The following PTGER3 variants were observed in gnomAD, a reference collection of about 807,000 sequenced individuals.
PTGER3 encodes the protein prostaglandin E receptor 3.
A neutral mutation model predicts 34.7 loss-of-function variants in PTGER3; 22 were observed. That is an observed-to-expected ratio of 0.63 (90% CI 0.45 to 0.91). The LOEUF is 0.91. Among genes scored for constraint, PTGER3 ranks in the 40% least tolerant of loss-of-function variants. The probability of loss-of-function intolerance (pLI) is 0.00; values close to 1 mark genes in which losing one functional copy is unlikely to be tolerated. For synonymous variants in PTGER3, 241 were observed against 230.1 expected (o/e 1.05, Z -0.43); for missense variants, 468 against 519.4 (o/e 0.90, Z 0.96).
intron 4 of PTGER3, among the ~76,000 whole-genome samples, chr1:70,913,206 T>A (rs1378139898): frequency 6.6e-6 from 1 of 152,008 alleles, no homozygotes; most frequent in African/African-American, 2.4e-5. Flanking sequence ...CATTTTTTTG[T>A]GAATCTTTTA....
Position 70,952,912 on chromosome 1 carries a change from CTG to C in PTGER3, c.1250_1251del (p.Thr417ArgfsTer4). ...CTGTAGTTATTTTCTTCATGTTATTCTGTCTTTACTGTTGAGATTCTGGTGTA... is the reference window on the plus strand; with the variant it reads ...CTGTAGTTATTTTCTTCATGTTATTCTCTTTACTGTTGAGATTCTGGTGTA... On this transcript the variant is annotated frameshift_variant, in exon 4 of 4. Transcript: ENST00000356595. LOFTEE classifies it high-confidence loss of function. The C allele has an allele frequency of 6.2e-7, 1 of 1,603,914 alleles. No individual in the cohort carries two copies. The highest frequency in any genetic ancestry group is 8.5e-7 in the Non-Finnish European group (1 of 1,175,350).
At chr1:70,865,705 C>T (rs527772094) in intron 4 of PTGER3, 29 of 1,366,406 alleles carry the variant, frequency 2.1e-5, no homozygotes, top group Middle Eastern at 2.1e-4. Context: ...GTTTGAAGCT[C>T]GCAAGTGTTA....
intron 2 of PTGER3, among the ~76,000 whole-genome samples, chr1:70,965,561 C>T (rs895216021): frequency 1.3e-5 from 2 of 152,028 alleles, no homozygotes; most frequent in African/African-American, 4.8e-5. Flanking sequence ...GACTATATTA[C>T]TATCTTTTCC....
At chr1:70,931,403 G>A (rs1384152366) in intron 4 of PTGER3, among the ~76,000 whole-genome samples, 11 of 152,292 alleles carry the variant, frequency 7.2e-5, no homozygotes, top group Non-Finnish European at 1.5e-4. Flanking sequence ...AACTCCACTC[G>A]GCAGTGCCCC....
intron 4 of PTGER3, among the ~76,000 whole-genome samples, chr1:70,913,628 C>T (rs894391503): frequency 1.3e-5 from 2 of 151,836 alleles, no homozygotes; most frequent in Non-Finnish European, 1.5e-5. Flanking sequence ...ATTATTCAAG[C>T]CTTTTATTAG....
At chr1:70,972,902 T>G (rs1653240562) in intron 3 of PTGER3, among the ~76,000 whole-genome samples, 1 of 152,094 alleles carries the variant, frequency 6.6e-6, no homozygotes, top group South Asian at 2.1e-4. Context: ...AGTAAGCTAT[T>G]TTTCTTTCTA....
intron 4 of PTGER3, among the ~76,000 whole-genome samples, chr1:70,917,248 G>C (rs1439354776): frequency 6.6e-6 from 1 of 151,084 alleles, no homozygotes; most frequent in African/African-American, 2.4e-5. Flanking sequence ...TCTGCTTTCA[G>C]AGTCAGCTTT....
At chr1:70,996,821 G>A (rs1656019735) in intron 2 of PTGER3, among the ~76,000 whole-genome samples, 1 of 151,950 alleles carries the variant, frequency 6.6e-6, no homozygotes, top group Admixed American at 6.6e-5. Flanking sequence ...CCGCCACCGC[G>A]CCCAGCCTTT....
intron 4 of PTGER3, among the ~76,000 whole-genome samples, chr1:70,859,998 A>T (rs1012000522): frequency 6.0e-5 from 9 of 149,410 alleles, no homozygotes; most frequent in Non-Finnish European, 1.0e-4. Context: ...GACCTAGACT[A>T]TGCGTTTTTC....
In PTGER3 at chr1:70,953,117, TA is replaced by T. The variant is rs535409346; in HGVS notation, c.1105-59del. ...ATAATAAAAAATAACAATATGAAAA[TA>T]AAAATAATACAAATAAAAAGGTGAT... On this transcript the variant is annotated intron_variant, in intron 3 of 3. Coordinates refer to the PTGER3 transcript ENST00000356595. The T allele has an allele frequency of 2.0e-3, 2,747 of 1,392,108 alleles. 6 individuals carry two copies. Among genetic ancestry groups the T allele is most frequent in the South Asian group, 2.6e-3 (175 of 67,678 alleles). 86.2% of individuals were successfully genotyped at this position (1,392,108 alleles called of 1,614,324 possible).
intron 2 of PTGER3, among the ~76,000 whole-genome samples, chr1:70,989,820 C>T (rs1288141338): frequency 1.3e-5 from 2 of 151,970 alleles, no homozygotes; most frequent in African/African-American, 4.8e-5. Flanking sequence ...TAAAAATGCC[C>T]CTGGACTTAC....
At chr1:71,023,686 A>G (rs986659202) in intron 1 of PTGER3, among the ~76,000 whole-genome samples, 2 of 151,822 alleles carry the variant, frequency 1.3e-5, no homozygotes, top group Non-Finnish European at 2.9e-5. Context: ...CCCATCTCTA[A>G]AACAGAAACC....
chr1:71,020,697 A>AGTGT (rs112981971), intron 1 of PTGER3, among the ~76,000 whole-genome samples: 8,598 of 144,814 alleles, frequency 0.059, 277 homozygotes, highest in African/African-American at 0.073. Context: ...ATGTTAGCAG[A>AGTGT]GTGTGTGTGT....
chr1:70,876,747 CA>C lies in PTGER3; in HGVS notation c.*24-23889del, dbSNP rs527932448. 1.6e-4 allele frequency among the ~76,000 whole-genome samples: 24 copies of C among 152,206 alleles called. No homozygotes were observed. The South Asian group carries it at 4.8e-3, about 30-fold the overall frequency. ...CATTACTTGTTTTTGTCAACTTTGT[CA>C]AAAACAAGATGCCTGTAGGTCTGTG... is the stretch of plus-strand genomic sequence containing the variant. On this transcript the variant is annotated intron_variant, in intron 4 of 4. Coordinates refer to the PTGER3 transcript ENST00000370931.
chr1:70,953,169 A>G, intron 3 of PTGER3: 1 of 951,542 alleles, frequency 1.1e-6, no homozygotes, highest in Non-Finnish European at 1.5e-6. Flanking sequence ...TTTATACAAC[A>G]TTTACATTGT....
At chr1:70,927,816 C>G (rs1648262780) in intron 4 of PTGER3, among the ~76,000 whole-genome samples, 1 of 152,030 alleles carries the variant, frequency 6.6e-6, no homozygotes, top group African/African-American at 2.4e-5. Flanking sequence ...TATCTGTCTC[C>G]AGATACATCA....
At chr1:71,020,587 C>A (rs1030835868) in intron 1 of PTGER3, among the ~76,000 whole-genome samples, 1 of 148,794 alleles carries the variant, frequency 6.7e-6, no homozygotes, top group Non-Finnish European at 1.5e-5. Context: ...AATTCCTCTT[C>A]AAAAAAAAAC....
intron 3 of PTGER3, among the ~76,000 whole-genome samples, chr1:70,972,722 T>C (rs1653219575): frequency 6.6e-6 from 1 of 152,020 alleles, no homozygotes; most frequent in Non-Finnish European, 1.5e-5. Context: ...GCAAATGGTC[T>C]GAGAAATGCT....
chr1:70,886,138 T>G (rs1249116749), intron 4 of PTGER3: 1 of 265,282 alleles, frequency 3.8e-6, no homozygotes, highest in Non-Finnish European at 8.0e-6. Context: ...AACTGGGTCA[T>G]GAAGGTGAGA....
Sources: gnomAD v4.1 joint callset for allele counts (sites outside exome capture counted in the v4.1 genomes callset) on GRCh38, gnomAD v4.1.1 for gene constraint, MANE v1.5 for transcripts, NCBI Gene and HGNC (gene_info 2026-07-23, HGNC 2026-07-21) for gene names.